Variants in MOB1B observed in about 807,000 individuals in gnomAD.
MOB1B encodes MOB kinase activator 1B.
A neutral mutation model predicts 24.4 loss-of-function variants in MOB1B; 19 were observed. The ratio of observed to expected loss-of-function variants is 0.78; its 90% CI spans 0.54 to 1.14. MOB1B has a LOEUF of 1.14. Ranked by LOEUF, MOB1B falls within the 50% of genes most tolerant of loss-of-function variation. The pLI is 0.00. For synonymous variants in MOB1B, 76 were observed against 82.1 expected (o/e 0.93, Z 0.40); for missense variants, 243 against 259.6 (o/e 0.94, Z 0.44).
chr4:70,919,391 C>T (rs1736333630), intron 1 of MOB1B, among the ~76,000 whole-genome samples: 1 of 151,434 alleles, frequency 6.6e-6, no homozygotes, highest in African/African-American at 2.4e-5. Flanking sequence ...TTTATTTTGC[C>T]AGAATGATGA....
chr4:70,970,679 A>G (rs1738716898), intron 3 of MOB1B, among the ~76,000 whole-genome samples: 1 of 152,226 alleles, frequency 6.6e-6, no homozygotes, highest in African/African-American at 2.4e-5. Context: ...CCTAAATGTA[A>G]GGCCTTTCAT....
chr4:70,977,318 A>G (rs1433192331), intron 4 of MOB1B, among the ~76,000 whole-genome samples: 1 of 152,028 alleles, frequency 6.6e-6, no homozygotes, highest in African/African-American at 2.4e-5. Context: ...ATATTATTTT[A>G]TAGATTGTCT....
At chr4:70,948,412 T>A (rs1737673547) in intron 1 of MOB1B, among the ~76,000 whole-genome samples, 1 of 152,180 alleles carries the variant, frequency 6.6e-6, no homozygotes. Context: ...TATTAAAAAG[T>A]CAACTTTTTA....
intron 1 of MOB1B, among the ~76,000 whole-genome samples, chr4:70,929,037 A>G (rs1341125872): frequency 1.3e-5 from 2 of 152,076 alleles, no homozygotes; most frequent in African/African-American, 4.8e-5. Context: ...CTGCATTCCC[A>G]CTATCATTGC....
intron 2 of MOB1B, among the ~76,000 whole-genome samples, chr4:70,968,414 C>G (rs974133075): frequency 1.3e-5 from 2 of 152,104 alleles, no homozygotes; most frequent in African/African-American, 2.4e-5. Context: ...CAGGTTCAAG[C>G]AATTCTCCTG....
upstream of MOB1B, chr4:70,902,180 A>T: frequency 7.0e-6 from 3 of 431,446 alleles, no homozygotes; most frequent in Non-Finnish European, 1.3e-5. Context: ...GGAGACCAGA[A>T]GGTGAGAGTC....
chr4:70,967,274 C>T (rs1380437811), intron 2 of MOB1B, among the ~76,000 whole-genome samples: 3 of 152,186 alleles, frequency 2.0e-5, no homozygotes, highest in East Asian at 1.9e-4. Flanking sequence ...GCTGGGACTA[C>T]GGGCGCATGC....
intron 2 of MOB1B, among the ~76,000 whole-genome samples, chr4:70,967,425 C>T (rs1276460568): frequency 6.6e-6 from 1 of 152,054 alleles, no homozygotes; most frequent in Non-Finnish European, 1.5e-5. Flanking sequence ...TGAGCCACCG[C>T]ACCCAGCCAA....
chr4:70,957,250 A>T (rs1738099258), intron 1 of MOB1B, among the ~76,000 whole-genome samples: 1 of 139,674 alleles, frequency 7.2e-6, no homozygotes. Flanking sequence ...ACAGAGCGAG[A>T]CTATGTCTCA....
intron 1 of MOB1B, among the ~76,000 whole-genome samples, chr4:70,939,155 C>G (rs899121697): frequency 2.0e-5 from 3 of 152,154 alleles, no homozygotes; most frequent in Non-Finnish European, 4.4e-5. Flanking sequence ...CACTTAGACA[C>G]AACACAATTG....
At chr4:70,942,779 TC>T (rs1389405204) in intron 1 of MOB1B, 1 of 739,728 alleles carries the variant, frequency 1.4e-6, no homozygotes, top group Non-Finnish European at 1.7e-6. Flanking sequence ...TTTTAGCCCC[TC>T]CCTGAATTCC....
At chr4:70,909,736 T>C (rs1735899915) in intron 1 of MOB1B, among the ~76,000 whole-genome samples, 1 of 152,070 alleles carries the variant, frequency 6.6e-6, no homozygotes, top group South Asian at 2.1e-4. Flanking sequence ...ATACTTCTTT[T>C]TTTTTTTTGA....
intron 4 of MOB1B, among the ~76,000 whole-genome samples, chr4:70,977,241 T>C (rs1739044175): frequency 6.6e-6 from 1 of 152,214 alleles, no homozygotes; most frequent in South Asian, 2.1e-4. Context: ...TTTAGCCTCC[T>C]TTGATCTGGA....
At chr4:70,976,678 T>C (rs757016107) in intron 4 of MOB1B, 37 of 962,914 alleles carry the variant, frequency 3.8e-5, no homozygotes, top group Non-Finnish European at 4.3e-5. Context: ...TATGGAGTAC[T>C]TTAAACATAT....
intron 2 of MOB1B, among the ~76,000 whole-genome samples, chr4:70,962,854 A>G (rs112571240): frequency 1.8e-4 from 28 of 152,164 alleles, no homozygotes; most frequent in African/African-American, 6.5e-4. Context: ...CAAATAAAAA[A>G]TTAGCCAGGC....
chr4:70,980,155 T>G (rs2148904946), intron 5 of MOB1B, among the ~76,000 whole-genome samples: 1 of 152,336 alleles, frequency 6.6e-6, no homozygotes, highest in Middle Eastern at 3.4e-3. Context: ...ATCTTCCCCC[T>G]GTACACACTC....
In MOB1B at chr4:70,955,393, C is replaced by A. The variant is rs1018181749; in HGVS notation, c.15-3481C>A. ...GCACCACATTAGTTATAGGAGACCTCTTTTCCTAATTAATCACACATAAAT... is the reference window on the plus strand; with the variant it reads ...GCACCACATTAGTTATAGGAGACCTATTTTCCTAATTAATCACACATAAAT... On this transcript the variant is annotated intron_variant, in intron 1 of 5. Coordinates refer to ENST00000309395, the MANE Select transcript of MOB1B (RefSeq NM_173468.4). Among the ~76,000 whole-genome samples, 3 of 149,388 alleles carry A rather than the reference C, an allele frequency of 2.0e-5. No individual in the cohort carries two copies. In the South Asian group the frequency reaches 6.4e-4, roughly 32 times the overall value.
intron 1 of MOB1B, among the ~76,000 whole-genome samples, chr4:70,928,995 C>T (rs1443500759): frequency 6.6e-6 from 1 of 152,108 alleles, no homozygotes; most frequent in East Asian, 1.9e-4. Context: ...AAATTGTGTT[C>T]CCTCTACCAG....
At chr4:70,966,015 A>G (rs1363757322) in intron 2 of MOB1B, among the ~76,000 whole-genome samples, 1 of 152,136 alleles carries the variant, frequency 6.6e-6, no homozygotes, top group African/African-American at 2.4e-5. Context: ...ATTTCCATGA[A>G]ACAAGGAAGA....
Sources: allele counts gnomAD v4.1 joint callset (sites outside exome capture counted in the v4.1 genomes callset), GRCh38; gene constraint gnomAD v4.1.1; transcripts MANE v1.5; gene names NCBI Gene and HGNC (gene_info 2026-07-23, HGNC 2026-07-21).